GREB1: variants seen among roughly 807,000 people sequenced by gnomAD.
GREB1 encodes the protein protein GREB1.
Under a neutral mutation model 200.7 loss-of-function variants are expected in GREB1, and 106 were observed. The ratio of observed to expected loss-of-function variants is 0.53; its 90% CI spans 0.45 to 0.62. The LOEUF (loss-of-function observed/expected upper bound fraction) is 0.62. GREB1 is among the 20% of genes least tolerant of loss of function. The probability of loss-of-function intolerance (pLI) is 0.00; values close to 1 mark genes in which losing one functional copy is unlikely to be tolerated. For synonymous variants in GREB1, 1,132 were observed against 1,092.4 expected, an observed-to-expected ratio of 1.04 and a Z score of -0.72; for missense variants, 2,243 against 2,556.8, an observed-to-expected ratio of 0.88 and a Z score of 2.65.
chr2:11,573,749 C>T (rs970556602), intron 4 of GREB1, among the ~76,000 whole-genome samples: 3 of 152,198 alleles, frequency 2.0e-5, no homozygotes, highest in African/African-American at 7.2e-5. Context: ...CCAGCAAGAC[C>T]CAGGGTGTCC....
At chr2:11,510,950 G>A (rs572745797) in intron 1 of GREB1, among the ~76,000 whole-genome samples, 1 of 152,284 alleles carries the variant, frequency 6.6e-6, no homozygotes, top group African/African-American at 2.4e-5. Flanking sequence ...TGGGATTACA[G>A]GCATGAGCCA....
chr2:11,542,694 CG>C (rs1314216034), intron 1 of GREB1: 4 of 152,538 alleles, frequency 2.6e-5, no homozygotes, highest in Non-Finnish European at 5.9e-5. Flanking sequence ...AGAACAGACA[CG>C]GGGCGGCTGA....
At position 11,618,522 on chromosome 2, in the gene GREB1, C is replaced by G. The variant is rs1213566295; in HGVS notation, c.3647C>G (p.Thr1216Ser). 6.2e-7 allele frequency: 1 copy of G among 1,612,110 alleles called. No individual in the cohort carries two copies. The highest frequency in any genetic ancestry group is 8.5e-7 in the Non-Finnish European group (1 of 1,179,708). ...CAGAGGAGCGTCCAGGTGTCGGTCA[C>G]CTCGTCGTGCTCCCAGCTGTCCTCC... is the stretch of plus-strand genomic sequence containing the variant. ...TGQRSVQVSV[T>S]SSCSQLSSSS... is the part of the protein sequence containing the mutation. The change falls in exon 22 of 33, where the codon ACC (threonine) becomes AGC (serine). Residue 1216 changes from threonine (T) to serine (S), a missense_variant. By Grantham distance (58) the Thr-to-Ser change is moderately conservative. Around this residue, in one of 3 missense-constraint regions of GREB1, gnomAD observed 587 missense variants for 553.1 expected, o/e 1.06. Coordinates refer to ENST00000381486, the MANE Select transcript of GREB1 (RefSeq NM_014668.4).
intron 27 of GREB1, among the ~76,000 whole-genome samples, 157 bp from the exon 28 acceptor site, chr2:11,632,732 C>T (rs971572963): frequency 1.3e-5 from 2 of 152,212 alleles, no homozygotes; most frequent in Non-Finnish European, 2.9e-5. Flanking sequence ...AGTTTTCTCT[C>T]CCTAGCCCAT....
At chr2:11,623,119 G>A (rs975226862) in intron 23 of GREB1, among the ~76,000 whole-genome samples, 2 of 152,176 alleles carry the variant, frequency 1.3e-5, no homozygotes, top group Non-Finnish European at 2.9e-5. Context: ...CATCTGTGAC[G>A]TTGGTCCCAT....
intron 2 of GREB1, among the ~76,000 whole-genome samples, chr2:11,561,968 GA>G (rs1677093344): frequency 6.6e-6 from 1 of 152,188 alleles, no homozygotes; most frequent in Non-Finnish European, 1.5e-5. Context: ...GGATCTCTCT[GA>G]ACCTCCATTT....
Position 11,556,800 on chromosome 2 carries a change from GT to G in GREB1, c.157+30del, listed in dbSNP as rs564061348. ...GGAGACGCACGTTGCTTTTATCTGTGTATTTCTTTTATTGTGCGCAGTTAAT... is the reference window on the plus strand; with the variant it reads ...GGAGACGCACGTTGCTTTTATCTGTGATTTCTTTTATTGTGCGCAGTTAAT... On this transcript the variant is annotated intron_variant, in intron 2 of 32. Transcript: ENST00000381486. 569 of 1,595,014 alleles carry G rather than the reference GT, an allele frequency of 3.6e-4. 1 individual carries two copies. Among genetic ancestry groups the G allele is most frequent in the Non-Finnish European group, 4.6e-4 (540 of 1,167,092 alleles).
At chr2:11,543,928 G>T (rs777585064) in intron 1 of GREB1, among the ~76,000 whole-genome samples, 1 of 152,144 alleles carries the variant, frequency 6.6e-6, no homozygotes, top group Admixed American at 6.6e-5. Context: ...TGGGTCTGAA[G>T]GGTAGGCAGT....
chr2:11,515,183 A>G (rs1227542522), intron 1 of GREB1, among the ~76,000 whole-genome samples: 1 of 150,502 alleles, frequency 6.6e-6, no homozygotes, highest in Non-Finnish European at 1.5e-5. Context: ...CCATCCATCC[A>G]TCCGTTCATG....
At chr2:11,516,316 G>T (rs1450643223) in intron 1 of GREB1, among the ~76,000 whole-genome samples, 1 of 137,132 alleles carries the variant, frequency 7.3e-6, no homozygotes, top group East Asian at 2.0e-4. Context: ...CTGCAGGTGT[G>T]TGTGTGTGTG....
In GREB1 at chr2:11,633,631, G is replaced by A. The variant is rs1380985510; in HGVS notation, c.4992-500G>A. Among the ~76,000 whole-genome samples the A allele has an allele frequency of 6.6e-6, 1 of 151,620 alleles. No individual in the cohort carries two copies. The highest frequency in any genetic ancestry group is 1.5e-5 in the Non-Finnish European group (1 of 67,966). On this transcript the variant is annotated intron_variant, in intron 28 of 32. Coordinates refer to ENST00000381486, the MANE Select transcript of GREB1 (RefSeq NM_014668.4). This position sits in a 1 kb window ranked among gnomAD's most constrained non-coding sequence, Gnocchi z 4.1. ...TGCAGAAAATCACACTATCCATTTA[G>A]TATAATATATAGACAAAAAAGAAAG...
At position 11,633,332 on chromosome 2, in the gene GREB1, G is replaced by T. The variant is rs1371145853; in HGVS notation, c.4991+269G>T. 6.6e-6 allele frequency among the ~76,000 whole-genome samples: 1 copy of T among 152,100 alleles called. No individual in the cohort carries two copies. Among genetic ancestry groups the T allele is most frequent in the Admixed American group, 6.5e-5 (1 of 15,272 alleles). On this transcript the variant is annotated intron_variant, in intron 28 of 32. Transcript: ENST00000381486. The surrounding 1 kb of genome is among the most constrained non-coding windows in gnomAD (Gnocchi z 4.1). ...AATCCCAGCACTTTGGGAGGCTGAG[G>T]TGGGTGGATCACGAGGTCAGGAGAT...
chr2:11,575,963 G>C (rs530725441), intron 4 of GREB1, among the ~76,000 whole-genome samples: 1 of 152,240 alleles, frequency 6.6e-6, no homozygotes, highest in South Asian at 2.1e-4. Context: ...AGTCTTCCTG[G>C]TCCTCTTTCA....
intron 17 of GREB1, among the ~76,000 whole-genome samples, chr2:11,604,900 C>T (rs1042042710): frequency 1.1e-4 from 16 of 152,196 alleles, no homozygotes; most frequent in African/African-American, 3.1e-4. Context: ...CGCCAGCATA[C>T]GGCTGGGAAA....
intron 9 of GREB1, chr2:11,588,274 T>G: frequency 9.4e-7 from 1 of 1,067,118 alleles, no homozygotes; most frequent in Non-Finnish European, 1.1e-6. Context: ...TGTGGTGATA[T>G]ATTGTCCCAA....
chr2:11,637,041 T>TAGGGACAGAGGCAGGGGC (rs1558676198), intron 30 of GREB1, among the ~76,000 whole-genome samples: 6 of 15,652 alleles, frequency 3.8e-4, no homozygotes, highest in African/African-American at 1.2e-3. Flanking sequence ...TGGGCAGAGG[T>TAGGGACAGAGGCAGGGGC]AGGGACAGAG....
chr2:11,632,919 C>G lies in GREB1; in HGVS notation c.4847C>G (p.Ser1616Cys). The change falls in exon 28 of 33, where the codon TCC (serine) becomes TGC (cysteine). Residue 1616 changes from serine (S) to cysteine (C), a missense_variant. Around this residue, in one of 3 missense-constraint regions of GREB1, gnomAD observed 478 missense variants for 616.3 expected, o/e 0.78. Transcript: ENST00000381486. ...GAAHFLIKELSYHNLELERNR... is the reference protein window; with the variant it reads ...GAAHFLIKELCYHNLELERNR... Reference sequence around the variant, plus strand: ...GCTCATTTCCTCATCAAGGAGCTGTCCTACCATAACCTGGAGCTCGAGCGG... The same window carrying G: ...GCTCATTTCCTCATCAAGGAGCTGTGCTACCATAACCTGGAGCTCGAGCGG... 1.2e-6 allele frequency: 2 copies of G among 1,614,084 alleles called. No homozygotes were observed. The highest frequency in any genetic ancestry group is 1.7e-6 in the Non-Finnish European group (2 of 1,179,976).
At chr2:11,624,475 G>A (rs1328212231) in intron 23 of GREB1, among the ~76,000 whole-genome samples, 1 of 151,526 alleles carries the variant, frequency 6.6e-6, no homozygotes, top group African/African-American at 2.4e-5. Flanking sequence ...CTCCCGAGTA[G>A]CTGGGATTAC....
At chr2:11,596,376 G>T in intron 13 of GREB1, 137 bp downstream of exon 13, 1 of 559,020 alleles carries the variant, frequency 1.8e-6, no homozygotes, top group Non-Finnish European at 3.0e-6. Flanking sequence ...GGGCACAGAT[G>T]TGTATAGTGA....
Sources: gnomAD v4.1 joint callset for allele counts (sites outside exome capture counted in the v4.1 genomes callset) on GRCh38, gnomAD v4.1.1 for gene constraint, gnomAD v4.1.1 regional missense constraint, Gnocchi (gnomAD v3.1) non-coding constraint, MANE v1.5 for transcripts, NCBI Gene and HGNC (gene_info 2026-07-23, HGNC 2026-07-21) for gene names.